RBFOX1: variants seen among roughly 807,000 people sequenced by gnomAD.
The protein encoded by RBFOX1 is RNA binding fox-1 homolog 1, also known as RNA binding protein fox-1 homolog 1.
A neutral mutation model predicts 57.7 loss-of-function variants in RBFOX1; 8 were observed. The ratio of observed to expected loss-of-function variants is 0.14; its 90% CI spans 0.08 to 0.25. RBFOX1 has a LOEUF of 0.25. RBFOX1 is among the 10% of genes least tolerant of loss of function. The pLI is 1.00. For synonymous variants in RBFOX1, 326 were observed against 222.4 expected (o/e 1.47, Z -4.15); for missense variants, 611 against 548.5 (o/e 1.11, Z -1.14).
chr16:7,164,624 T>C (rs944096140), intron 4 of RBFOX1, among the ~76,000 whole-genome samples: 1 of 152,232 alleles, frequency 6.6e-6, no homozygotes. Flanking sequence ...GTGTAATTTC[T>C]TTTCTGTGTA....
chr16:7,334,066 T>G (rs931835647), intron 4 of RBFOX1, among the ~76,000 whole-genome samples: 3 of 152,188 alleles, frequency 2.0e-5, no homozygotes. Context: ...AAAAACTATA[T>G]GATACCCTAG....
chr16:6,724,415 C>G (rs961406392), intron 3 of RBFOX1, among the ~76,000 whole-genome samples: 1 of 151,886 alleles, frequency 6.6e-6, no homozygotes, highest in Non-Finnish European at 1.5e-5. Context: ...CACCATGTTG[C>G]CAGGCTGGTC....
At position 7,371,073 on chromosome 16, in the gene RBFOX1, T is replaced by C. The variant is rs1052859744; in HGVS notation, c.28-147074T>C. ...TGTTCTCCTCTCCTCTAAGCACCTT[T>C]AGTTTTACGCAGGTTTTCAGAAGCC... On this transcript the variant is annotated intron_variant, in intron 4 of 15. Coordinates refer to ENST00000550418, the MANE Select transcript of RBFOX1 (RefSeq NM_018723.4). Among the ~76,000 whole-genome samples the C allele has an allele frequency of 3.1e-4, 47 of 152,338 alleles. 1 individual carries two copies. The highest frequency in any genetic ancestry group is 1.1e-3 in the African/African-American group (47 of 41,578).
intron 3 of RBFOX1, among the ~76,000 whole-genome samples, chr16:6,909,231 T>G (rs1247940640): frequency 6.6e-6 from 1 of 152,154 alleles, no homozygotes; most frequent in Non-Finnish European, 1.5e-5. Context: ...CCACCCAGAT[T>G]ACATGGCTCA....
At chr16:6,615,918 T>G (rs1387029698) in intron 2 of RBFOX1, among the ~76,000 whole-genome samples, 2 of 152,034 alleles carry the variant, frequency 1.3e-5, no homozygotes, top group Non-Finnish European at 2.9e-5. Context: ...CCTCATAACC[T>G]CCCTCGGTGC....
intron 1 of RBFOX1, among the ~76,000 whole-genome samples, chr16:5,419,399 G>T (rs1412139732): frequency 6.6e-6 from 1 of 152,112 alleles, no homozygotes; most frequent in East Asian, 1.9e-4. Context: ...AAGAAATCTA[G>T]TCTTTTCACA....
At chr16:7,065,505 C>G (rs890396329) in intron 4 of RBFOX1, among the ~76,000 whole-genome samples, 3 of 152,092 alleles carry the variant, frequency 2.0e-5, no homozygotes, top group African/African-American at 4.8e-5. Context: ...GACGCTGACC[C>G]TTTTTAATAC....
intron 2 of RBFOX1, among the ~76,000 whole-genome samples, chr16:6,451,711 G>A (rs889886411): frequency 6.6e-6 from 1 of 152,162 alleles, no homozygotes; most frequent in Non-Finnish European, 1.5e-5. Context: ...CCCCTCCTGT[G>A]TTTCTTGGCT....
intron 1 of RBFOX1, among the ~76,000 whole-genome samples, chr16:6,258,883 A>G (rs2097684977): frequency 6.6e-6 from 1 of 152,200 alleles, no homozygotes; most frequent in Admixed American, 6.5e-5. Flanking sequence ...ATAAAGATAT[A>G]CAGCTATCTA....
intron 1 of RBFOX1, among the ~76,000 whole-genome samples, chr16:6,174,472 G>A (rs2096987841): frequency 6.6e-6 from 1 of 152,142 alleles, no homozygotes; most frequent in African/African-American, 2.4e-5. Flanking sequence ...GTGCGTGCCT[G>A]TAGTCCCAAC....
intron 1 of RBFOX1, among the ~76,000 whole-genome samples, chr16:5,402,818 C>T (rs1452528410): frequency 1.3e-5 from 2 of 152,158 alleles, no homozygotes; most frequent in African/African-American, 2.4e-5. Flanking sequence ...GTTTCACTTT[C>T]TTTCTGTTTC....
At chr16:7,141,511 T>A (rs967424570) in intron 4 of RBFOX1, among the ~76,000 whole-genome samples, 1 of 152,222 alleles carries the variant, frequency 6.6e-6, no homozygotes, top group Non-Finnish European at 1.5e-5. Context: ...AATGGAGTTT[T>A]GCTAGAGTGC....
At chr16:5,742,508 A>G (rs1689867092) in intron 3 of RBFOX1, among the ~76,000 whole-genome samples, 2 of 152,204 alleles carry the variant, frequency 1.3e-5, no homozygotes, top group African/African-American at 2.4e-5. Context: ...AAGCTGTCAA[A>G]GGAGAGAAAC....
chr16:6,237,275 C>T (rs748340650), intron 1 of RBFOX1, among the ~76,000 whole-genome samples: 2 of 152,068 alleles, frequency 1.3e-5, no homozygotes, highest in Admixed American at 6.6e-5. Context: ...TATGAAATTG[C>T]AATGTTAGAA....
At chr16:6,239,530 G>A (rs1211239652) in intron 1 of RBFOX1, among the ~76,000 whole-genome samples, 1 of 99,950 alleles carries the variant, frequency 1.0e-5, no homozygotes, top group Non-Finnish European at 1.8e-5. Context: ...ATAGAGTCTT[G>A]CTCTTTCACC....
chr16:6,499,287 G>A (rs919510742), intron 2 of RBFOX1, among the ~76,000 whole-genome samples: 1 of 151,964 alleles, frequency 6.6e-6, no homozygotes, highest in African/African-American at 2.4e-5. Context: ...AAAGCATAAA[G>A]AAATTGCCTT....
At chr16:5,547,085 GAA>G (rs1338181075) in intron 2 of RBFOX1, among the ~76,000 whole-genome samples, 4 of 152,132 alleles carry the variant, frequency 2.6e-5, no homozygotes, top group African/African-American at 9.7e-5. Flanking sequence ...ACTGAAAGTA[GAA>G]AGACTGACCA....
intron 5 of RBFOX1, among the ~76,000 whole-genome samples, chr16:7,577,075 T>C (rs1453073019): frequency 6.6e-6 from 1 of 152,238 alleles, no homozygotes; most frequent in Non-Finnish European, 1.5e-5. Flanking sequence ...ACAGTGTTGC[T>C]CTTCGACTAT....
chr16:6,711,015 A>G lies in RBFOX1; in HGVS notation c.-16+56365A>G, dbSNP rs1026326613. On this transcript the variant is annotated intron_variant, in intron 3 of 15. Transcript: ENST00000550418. ...GGAAAAATGGCACATACCCATTGCA[A>G]GTGAAATGATACAATCTGCCTTAAA... Among the ~76,000 whole-genome samples, 7 of 152,318 alleles carry G rather than the reference A, an allele frequency of 4.6e-5. No homozygotes were observed. The South Asian group carries it at 1.4e-3, about 32-fold the overall frequency.
Sources: allele counts gnomAD v4.1 joint callset (sites outside exome capture counted in the v4.1 genomes callset), GRCh38; gene constraint gnomAD v4.1.1; transcripts MANE v1.5; gene names NCBI Gene and HGNC (gene_info 2026-07-23, HGNC 2026-07-21).